Variants in PAPPA2 observed in about 807,000 individuals in gnomAD.
PAPPA2 encodes pappalysin 2.
A neutral mutation model predicts 176.4 loss-of-function variants in PAPPA2; 86 were observed. The ratio of observed to expected loss-of-function variants is 0.49; its 90% confidence interval spans 0.41 to 0.58. The LOEUF (loss-of-function observed/expected upper bound fraction) is 0.58. PAPPA2 is among the 20% of genes least tolerant of loss of function. The pLI is 0.00. For missense variants in PAPPA2, 2,073 were observed against 2,256.9 expected, an observed-to-expected ratio of 0.92 and a Z score of 1.65; for synonymous variants, 809 against 852.2, an observed-to-expected ratio of 0.95 and a Z score of 0.88.
At chr1:176,503,696 T>C (rs892586371) in intron 1 of PAPPA2, among the ~76,000 whole-genome samples, 3 of 152,182 alleles carry the variant, frequency 2.0e-5, no homozygotes, top group African/African-American at 7.2e-5. Flanking sequence ...TATTGTGAAG[T>C]GAATTCTGGA....
At chr1:176,792,767 C>T (rs923612901) in intron 19 of PAPPA2, among the ~76,000 whole-genome samples, 2 of 151,720 alleles carry the variant, frequency 1.3e-5, no homozygotes, top group Admixed American at 1.3e-4. Context: ...ACATAGAAAC[C>T]TAGACAGTAA....
intron 3 of PAPPA2, among the ~76,000 whole-genome samples, chr1:176,667,712 T>G (rs1344862357): frequency 6.6e-6 from 1 of 152,140 alleles, no homozygotes; most frequent in Non-Finnish European, 1.5e-5. Flanking sequence ...CATCCATCCT[T>G]TATGTCTTGT....
chr1:176,767,537 G>A (rs372196509), intron 15 of PAPPA2, among the ~76,000 whole-genome samples: 2 of 152,074 alleles, frequency 1.3e-5, no homozygotes, highest in Non-Finnish European at 2.9e-5. Flanking sequence ...TAGTAGAGAC[G>A]GGGTTTCACC....
At chr1:176,640,034 G>A (rs1192086051) in intron 3 of PAPPA2, among the ~76,000 whole-genome samples, 1 of 151,574 alleles carries the variant, frequency 6.6e-6, no homozygotes, top group Non-Finnish European at 1.5e-5. Context: ...GAAGAAAAGG[G>A]CAAGCCTATA....
At chr1:176,618,120 G>T (rs1038106378) in intron 3 of PAPPA2, among the ~76,000 whole-genome samples, 1 of 152,170 alleles carries the variant, frequency 6.6e-6, no homozygotes, top group Non-Finnish European at 1.5e-5. Context: ...ACAATTCCCA[G>T]GATGTTTCTG....
chr1:176,618,670 A>G (rs1488154424), intron 3 of PAPPA2, among the ~76,000 whole-genome samples: 1 of 152,234 alleles, frequency 6.6e-6, no homozygotes, highest in African/African-American at 2.4e-5. Context: ...TAAATGAGGT[A>G]TAGTTTTAAC....
At chr1:176,761,676 C>T (rs1469063626) in intron 14 of PAPPA2, among the ~76,000 whole-genome samples, 2 of 152,194 alleles carry the variant, frequency 1.3e-5, no homozygotes, top group Admixed American at 6.5e-5. Flanking sequence ...AACCTCATCC[C>T]GTGGGAGATG....
At chr1:176,795,389 C>A (rs1665384516) in intron 20 of PAPPA2, among the ~76,000 whole-genome samples, 1 of 152,092 alleles carries the variant, frequency 6.6e-6, no homozygotes, top group Non-Finnish European at 1.5e-5. Flanking sequence ...GGATGACTGC[C>A]ACAGAGCCAT....
intron 1 of PAPPA2, among the ~76,000 whole-genome samples, chr1:176,466,276 T>C (rs867706192): frequency 3.9e-5 from 6 of 152,186 alleles, no homozygotes; most frequent in East Asian, 1.9e-4. Context: ...GCCAAGCTAC[T>C]GTGGAAGGAT....
At chr1:176,701,077 C>T (rs1185853639) in intron 8 of PAPPA2, among the ~76,000 whole-genome samples, 6 of 150,410 alleles carry the variant, frequency 4.0e-5, no homozygotes, top group African/African-American at 1.5e-4. Flanking sequence ...CACACACACA[C>T]ATGTTTAAGG....
At chr1:176,546,577 A>T (rs1490053193) in intron 1 of PAPPA2, among the ~76,000 whole-genome samples, 1 of 152,242 alleles carries the variant, frequency 6.6e-6, no homozygotes, top group Non-Finnish European at 1.5e-5. Context: ...ATGTGAATTT[A>T]CACATGAAAC....
At chr1:176,490,057 A>T (rs530307348) in intron 1 of PAPPA2, among the ~76,000 whole-genome samples, 1 of 152,268 alleles carries the variant, frequency 6.6e-6, no homozygotes, top group African/African-American at 2.4e-5. Context: ...ATTAGAACAG[A>T]TTAGAACAGG....
chr1:176,729,294 A>G (rs991478653), intron 12 of PAPPA2, among the ~76,000 whole-genome samples: 2 of 152,044 alleles, frequency 1.3e-5, no homozygotes, highest in African/African-American at 4.8e-5. Context: ...CAAGTTCTAG[A>G]CATTACGTGA....
At chr1:176,716,602 C>CTTTTTTTTTTTTTTTTT (rs71299410) in intron 12 of PAPPA2, among the ~76,000 whole-genome samples, 3 of 114,828 alleles carry the variant, frequency 2.6e-5, no homozygotes, top group Non-Finnish European at 3.5e-5. Flanking sequence ...TTCCTTCCTT[C>CTTTTTTTTTTTTTTTTT]TTTTTTTTTT....
chr1:176,669,413 T>A (rs1425576932), intron 3 of PAPPA2, among the ~76,000 whole-genome samples: 1 of 152,096 alleles, frequency 6.6e-6, no homozygotes, highest in African/African-American at 2.4e-5. Flanking sequence ...AACCATCAAT[T>A]TATCAATAAA....
At chr1:176,632,839 A>C (rs1489329487) in intron 3 of PAPPA2, among the ~76,000 whole-genome samples, 4 of 152,186 alleles carry the variant, frequency 2.6e-5, no homozygotes, top group Non-Finnish European at 5.9e-5. Context: ...GAGGTGAAAT[A>C]ATAAAAACAA....
At chr1:176,695,197 C>T (rs1285956659) in intron 6 of PAPPA2, among the ~76,000 whole-genome samples, 5 of 152,108 alleles carry the variant, frequency 3.3e-5, no homozygotes, top group African/African-American at 7.2e-5. Flanking sequence ...GGCCTTGAGA[C>T]GTGATAAATA....
intron 14 of PAPPA2, among the ~76,000 whole-genome samples, chr1:176,765,034 G>T (rs12083094): frequency 0.4 from 61,469 of 152,088 alleles, 13,960 homozygotes; most frequent in African/African-American, 0.61. Context: ...GGATTCAAGA[G>T]GTGTGAATTT....
rs748352053 is a variant in PAPPA2, at chr1:176,595,241, A to G, written c.1637A>G (p.Gln546Arg). 2 of 1,614,228 alleles carry G rather than the reference A, an allele frequency of 1.2e-6. No individual in the cohort carries two copies. The highest frequency in any genetic ancestry group is 2.2e-5 in the East Asian group (1 of 44,884). ...EGLNPIVSEE[Q>R]IRLQHEALNE... is the part of the protein sequence containing the mutation. ...CTAAACCCCATTGTGAGTGAGGAGCAGATTCGTCTGCAGCACGAGGCACTG... is the reference window on the plus strand; with the variant it reads ...CTAAACCCCATTGTGAGTGAGGAGCGGATTCGTCTGCAGCACGAGGCACTG... The change falls in exon 3 of 23, where the codon CAG becomes CGG. Residue 546 changes from glutamine (Q) to arginine (R), a missense_variant. Transcript: ENST00000367662.
Sources: allele counts gnomAD v4.1 joint callset (sites outside exome capture counted in the v4.1 genomes callset), GRCh38; gene constraint gnomAD v4.1.1; transcripts MANE v1.5; gene names NCBI Gene and HGNC (gene_info 2026-07-23, HGNC 2026-07-21).